The following UTP11 variants were observed in gnomAD, a reference collection of about 807,000 sequenced individuals.
The protein encoded by UTP11 is UTP11 small subunit processome component.
In UTP11, 29 loss-of-function variants were observed where a neutral mutation model predicts 39.0. The observed-to-expected ratio is 0.74, with a 90% CI of 0.55 to 1.01. UTP11 has a LOEUF of 1.01. Among genes scored for constraint, UTP11 ranks in the 50% least tolerant of loss-of-function variants. The pLI, the probability that UTP11 is intolerant of heterozygous loss-of-function variation, is 0.00. For synonymous variants in UTP11, 111 were observed against 105.0 expected (o/e 1.06, Z -0.35); for missense variants, 281 against 306.0 (o/e 0.92, Z 0.61).
intron 2 of UTP11, 45 bp downstream of exon 2, chr1:38,016,465 A>AAC: frequency 6.2e-7 from 1 of 1,604,070 alleles, no homozygotes; most frequent in Non-Finnish European, 8.5e-7. Context: ...GAAAGCTTAC[A>AAC]ACCTCCTTGC....
chr1:38,016,396 A>G lies in UTP11; in HGVS notation c.101A>G (p.Lys34Arg), dbSNP rs11540918. ...FRKHLGLLEK[K>R]KDYKLRADDY... ...AAACATCTGGGCCTGCTGGAGAAAA[A>G]GAAAGATTACAAACTTCGTGCAGAG... Residue 34 changes from lysine to arginine, a missense_variant, in exon 2 of 8, where the codon AAG becomes AGG. Coordinates refer to ENST00000373014, the MANE Select transcript of UTP11 (RefSeq NM_016037.4). The G allele has an allele frequency of 1.4e-5, 22 of 1,614,176 alleles. No homozygotes were observed. The highest frequency in any genetic ancestry group is 1.6e-5 in the Non-Finnish European group (19 of 1,180,008).
chr1:38,021,876 G>A (rs1646739632), intron 6 of UTP11, among the ~76,000 whole-genome samples: 1 of 150,724 alleles, frequency 6.6e-6, no homozygotes, highest in African/African-American at 2.4e-5. Context: ...CTGGGCGACA[G>A]AGCAAGACTC....
At chr1:38,023,303 T>C (rs2148739972) in intron 7 of UTP11, among the ~76,000 whole-genome samples, 1 of 152,338 alleles carries the variant, frequency 6.6e-6, no homozygotes, top group South Asian at 2.1e-4. Context: ...TAATTTTAAA[T>C]GAAACAACTA....
Position 38,012,785 on chromosome 1 carries a change from T to C in UTP11, c.-18T>C, listed in dbSNP as rs375235428. ...GGATCCGGCGTTCTCCACTGATCTT[T>C]TCCAAGGCTGTACAGACATGGCGGC... On this transcript the variant is annotated 5_prime_UTR_variant, in exon 1 of 8. Transcript: ENST00000373014. The C allele has an allele frequency of 1.2e-5, 19 of 1,614,166 alleles. No individual in the cohort carries two copies. In the African/African-American group the frequency reaches 2.4e-4, roughly 20 times the overall value.
At chr1:38,014,260 C>A (rs991530468) in intron 1 of UTP11, among the ~76,000 whole-genome samples, 3 of 152,168 alleles carry the variant, frequency 2.0e-5, no homozygotes, top group African/African-American at 7.2e-5. Flanking sequence ...ATGGCATGGC[C>A]ATGGCTGAGT....
chr1:38,016,844 C>T (rs563700139), intron 2 of UTP11: 85 of 174,492 alleles, frequency 4.9e-4, no homozygotes, highest in African/African-American at 1.6e-3. Flanking sequence ...TGAGACCAAG[C>T]GTGGGTGATA....
intron 5 of UTP11, 32 bp from the exon 6 acceptor site, chr1:38,019,221 G>A (rs1386825149): frequency 5.6e-6 from 9 of 1,613,966 alleles, no homozygotes; most frequent in Middle Eastern, 1.6e-4. Flanking sequence ...GTTAGAAACC[G>A]ACAGTGCCTT....
chr1:38,024,625 T>C lies in UTP11; in HGVS notation c.*997T>C, dbSNP rs1297210665. The C allele has an allele frequency of 1.3e-5, 2 of 151,712 alleles. No homozygotes were observed. Among genetic ancestry groups the C allele is most frequent in the South Asian group, 2.1e-4 (1 of 4,810 alleles). 9.4% of individuals were successfully genotyped at this position (151,712 alleles called of 1,614,324 possible). A position where few individuals can be genotyped will look rare whatever the true frequency, so the allele number is the denominator to read the frequency against. ...GGTTTCACCTTGTTAGCCAGGATGGTCTCGATCTCCTGACCTCATGATCCA... is the reference window on the plus strand; with the variant it reads ...GGTTTCACCTTGTTAGCCAGGATGGCCTCGATCTCCTGACCTCATGATCCA... On this transcript the variant is annotated 3_prime_UTR_variant, in exon 8 of 8. Transcript: ENST00000373014.
intron 6 of UTP11, 104 bp from the exon 7 acceptor site, chr1:38,022,595 A>G (rs142598526): frequency 8.0e-4 from 570 of 710,884 alleles, no homozygotes; most frequent in Non-Finnish European, 1.2e-3. Context: ...GAAAGAAGGG[A>G]GTTGATGAAA....
At chr1:38,018,370 C>T in intron 3 of UTP11, 94 bp from the exon 4 acceptor site, 1 of 880,584 alleles carries the variant, frequency 1.1e-6, no homozygotes, top group Non-Finnish European at 1.8e-6. Context: ...CGCACTTGGC[C>T]TATGGTTGTC....
intron 1 of UTP11, among the ~76,000 whole-genome samples, chr1:38,014,229 C>T (rs1646694400): frequency 6.6e-6 from 1 of 152,184 alleles, no homozygotes; most frequent in Non-Finnish European, 1.5e-5. Context: ...AGACAGAGGG[C>T]TTTCAGAGCT....
Position 38,021,815 on chromosome 1 carries a change from C to T in UTP11, c.568-884C>T, listed in dbSNP as rs139749709. On this transcript the variant is annotated intron_variant, in intron 6 of 7. Transcript: ENST00000373014. ...GGCTGAGGCAGCAGAATTGCTTGAA[C>T]CCAGGAGGCGGAGGTTGTAGCGAGC... Among the ~76,000 whole-genome samples, 686 of 152,084 alleles carry T rather than the reference C, an allele frequency of 4.5e-3. 3 individuals are homozygous for T. Among genetic ancestry groups the T allele is most frequent in the Non-Finnish European group, 8.0e-3 (545 of 67,974 alleles).
chr1:38,013,361 C>G (rs972710864), intron 1 of UTP11, among the ~76,000 whole-genome samples: 1 of 152,222 alleles, frequency 6.6e-6, no homozygotes, highest in South Asian at 2.1e-4. Context: ...AGCCTTACCC[C>G]TTAATGTTGG....
chr1:38,020,816 G>T (rs1646732074), intron 6 of UTP11, among the ~76,000 whole-genome samples: 2 of 152,290 alleles, frequency 1.3e-5, no homozygotes, highest in African/African-American at 4.8e-5. Context: ...TCTGTGAATT[G>T]TTGAAGTCTA....
intron 1 of UTP11, 74 bp from the exon 2 acceptor site, chr1:38,016,285 T>G: frequency 1.4e-6 from 2 of 1,457,090 alleles, no homozygotes; most frequent in Non-Finnish European, 1.9e-6. Context: ...CCTGTGCCTG[T>G]TAGATGTCGT....
At chr1:38,013,961 C>T (rs545321080) in intron 1 of UTP11, among the ~76,000 whole-genome samples, 4 of 152,204 alleles carry the variant, frequency 2.6e-5, no homozygotes, top group Admixed American at 6.5e-5. Context: ...GTGATCCACC[C>T]GCCTTGGCCT....
Position 38,022,764 on chromosome 1 carries a change from A to G in UTP11, c.633A>G (p.Lys211=), listed in dbSNP as rs1313286399. ...CLTQRIEREK[K]LFVIAQKIQT... is the part of the protein sequence containing the mutation. ...CACAGCGGATTGAACGAGAGAAGAA[A>G]TTGTTCGTTATTGCTCAGAAAATTC... Residue 211 remains lysine, a synonymous_variant, in exon 7 of 8, where the codon AAA becomes AAG. Coordinates refer to ENST00000373014, the MANE Select transcript of UTP11 (RefSeq NM_016037.4). The G allele has an allele frequency of 6.2e-7, 1 of 1,613,950 alleles. No homozygotes were observed. The highest frequency in any genetic ancestry group is 8.5e-7 in the Non-Finnish European group (1 of 1,179,930).
chr1:38,016,246 G>A (rs1279333199), intron 1 of UTP11, 113 bp from the exon 2 acceptor site: 3 of 1,067,626 alleles, frequency 2.8e-6, no homozygotes, highest in Non-Finnish European at 4.3e-6. Flanking sequence ...TAGCTCCAAG[G>A]ACTGGATTTA....
At position 38,019,394 on chromosome 1, in the gene UTP11, CTG is replaced by C; in HGVS notation, c.567+13_567+14del. ...CAGACTGGACTTAAGGTAATTTTCT[CTG>C]TTGTTCTTCACATGTGAGCTTAGGG... On this transcript the variant is annotated intron_variant, in intron 6 of 7. Coordinates refer to ENST00000373014, the MANE Select transcript of UTP11 (RefSeq NM_016037.4). 1 of 1,601,782 alleles carries C rather than the reference CTG, an allele frequency of 6.2e-7. No individual in the cohort carries two copies. The highest frequency in any genetic ancestry group is 1.1e-5 in the South Asian group (1 of 89,788).
Sources: allele counts gnomAD v4.1 joint callset (sites outside exome capture counted in the v4.1 genomes callset), GRCh38; gene constraint gnomAD v4.1.1; transcripts MANE v1.5; gene names NCBI Gene and HGNC (gene_info 2026-07-23, HGNC 2026-07-21).